Variants in PRKCB observed in about 807,000 individuals in gnomAD.
PRKCB encodes protein kinase C beta, also known as protein kinase C beta type.
PRKCB carries 13 observed loss-of-function variants against 81.5 expected under a neutral mutation model. The ratio of observed to expected loss-of-function variants is 0.16; its 90% CI spans 0.10 to 0.25. The LOEUF is 0.25. Ranked by LOEUF, PRKCB falls within the 10% of genes least tolerant of loss-of-function variation. PRKCB has a pLI of 1.00. For synonymous variants in PRKCB, 335 were observed against 321.4 expected, an observed-to-expected ratio of 1.04 and a Z score of -0.45; for missense variants, 509 against 875.7, an observed-to-expected ratio of 0.58 and a Z score of 5.29.
intron 2 of PRKCB, among the ~76,000 whole-genome samples, chr16:23,969,059 A>G (rs1964524264): frequency 6.6e-6 from 1 of 152,070 alleles, no homozygotes; most frequent in Non-Finnish European, 1.5e-5. Context: ...AATCCAAGCT[A>G]CTCAGGAGGC....
chr16:24,010,475 C>G (rs1965188032), intron 3 of PRKCB, among the ~76,000 whole-genome samples: 1 of 152,134 alleles, frequency 6.6e-6, no homozygotes, highest in South Asian at 2.1e-4. Flanking sequence ...CACCCCACAT[C>G]GGAGGGGAGA....
In PRKCB at chr16:24,078,325, C is replaced by T. The variant is rs144760187; in HGVS notation, c.530-14466C>T. 6.2e-3 allele frequency among the ~76,000 whole-genome samples: 945 copies of T among 152,342 alleles called. 13 individuals are homozygous for T. The highest frequency in any genetic ancestry group is 0.022 in the African/African-American group (904 of 41,572). On this transcript the variant is annotated intron_variant, in intron 5 of 16. Transcript: ENST00000643927. ...CAAGCAAGGGTGGGGCCCCATGGCA[C>T]GCCATCCTGGTTCCTGTCCCGAGGA...
chr16:24,050,066 T>A (rs1176419560), intron 5 of PRKCB, among the ~76,000 whole-genome samples: 1 of 152,158 alleles, frequency 6.6e-6, no homozygotes, highest in Non-Finnish European at 1.5e-5. Context: ...TAGATATTGA[T>A]GAATTTCATG....
At position 24,187,684 on chromosome 16, in the gene PRKCB, GTTTTGTTTTGTTTTA is replaced by G. The variant is rs1262328529; in HGVS notation, c.1722+2119_1722+2133del. 3.6e-4 allele frequency among the ~76,000 whole-genome samples: 51 copies of G among 142,590 alleles called. 1 individual carries two copies. Among genetic ancestry groups the G allele is most frequent in the Middle Eastern group, 3.6e-3 (1 of 280 alleles). 93.5% of individuals were successfully genotyped at this position (142,590 alleles called of 152,430 possible). A position where few individuals can be genotyped will look rare whatever the true frequency, so the allele number is the denominator to read the frequency against. Reference sequence around the variant, plus strand: ...GTTTTGTTTTGTTTTGTTTTGTTTTGTTTTGTTTTGTTTTATCAATGTCTCGCTCTGTCGCCCAGG... The same window carrying G: ...GTTTTGTTTTGTTTTGTTTTGTTTTGTCAATGTCTCGCTCTGTCGCCCAGG... On this transcript the variant is annotated intron_variant, in intron 15 of 16. Coordinates refer to ENST00000643927, the MANE Select transcript of PRKCB (RefSeq NM_002738.7).
chr16:23,882,184 A>G lies in PRKCB; in HGVS notation c.205+44778A>G, dbSNP rs1322378459. On this transcript the variant is annotated intron_variant, in intron 2 of 16. Coordinates refer to ENST00000643927, the MANE Select transcript of PRKCB (RefSeq NM_002738.7). ...AGCCTTGACCTCCTGTGCTCAAGGG[A>G]TCCTCCCATCTCAGCCTCCTGAGTA... is the stretch of plus-strand genomic sequence containing the variant. 2.7e-5 allele frequency among the ~76,000 whole-genome samples: 4 copies of G among 150,100 alleles called. No individual in the cohort carries two copies. The Admixed American group carries it at 2.7e-4, about 10-fold the overall frequency.
At chr16:23,905,721 C>T (rs1963549194) in intron 2 of PRKCB, among the ~76,000 whole-genome samples, 1 of 152,128 alleles carries the variant, frequency 6.6e-6, no homozygotes, top group Admixed American at 6.5e-5. Context: ...ATTCCCATCA[C>T]CTAGAACAGT....
At chr16:24,172,682 T>TA (rs1967461889) in intron 11 of PRKCB, among the ~76,000 whole-genome samples, 1 of 151,966 alleles carries the variant, frequency 6.6e-6, no homozygotes, top group Non-Finnish European at 1.5e-5. Context: ...CTCGTCTCTA[T>TA]AAAAAATAAA....
intron 2 of PRKCB, among the ~76,000 whole-genome samples, chr16:23,877,499 T>C (rs987069152): frequency 6.6e-6 from 1 of 152,188 alleles, no homozygotes; most frequent in African/African-American, 2.4e-5. Context: ...CAAGAGTAGA[T>C]TCTGAGCAGG....
At chr16:24,141,263 C>T (rs1966897580) in intron 9 of PRKCB, among the ~76,000 whole-genome samples, 5 of 151,640 alleles carry the variant, frequency 3.3e-5, no homozygotes. Context: ...GGTGAGATCT[C>T]GGGTCACTGC....
chr16:24,166,942 T>A (rs145594718), intron 10 of PRKCB, among the ~76,000 whole-genome samples: 2 of 152,038 alleles, frequency 1.3e-5, no homozygotes, highest in African/African-American at 4.8e-5. Context: ...TCCCCTGATG[T>A]GGGGATTCCG....
chr16:23,978,249 C>G (rs1964650169), intron 2 of PRKCB, among the ~76,000 whole-genome samples: 1 of 152,196 alleles, frequency 6.6e-6, no homozygotes, highest in Admixed American at 6.5e-5. Flanking sequence ...CTGAGTGTCC[C>G]TTGGAAGGGC....
intron 2 of PRKCB, among the ~76,000 whole-genome samples, chr16:23,867,305 A>G (rs1255159321): frequency 6.6e-6 from 1 of 151,992 alleles, no homozygotes; most frequent in Non-Finnish European, 1.5e-5. Flanking sequence ...TATTTTTAGT[A>G]GAGACGGGGT....
At chr16:23,931,613 G>A (rs76788410) in intron 2 of PRKCB, among the ~76,000 whole-genome samples, 3,279 of 152,204 alleles carry the variant, frequency 0.022, 65 homozygotes, top group Non-Finnish European at 0.034. Context: ...GGCAAGATGC[G>A]GCACTGCCAA....
intron 3 of PRKCB, among the ~76,000 whole-genome samples, chr16:23,998,045 C>T (rs1212513899): frequency 6.6e-6 from 1 of 152,096 alleles, no homozygotes; most frequent in Non-Finnish European, 1.5e-5. Context: ...AGAAAAATTG[C>T]CTTCATTGAC....
intron 5 of PRKCB, among the ~76,000 whole-genome samples, chr16:24,043,736 C>T (rs1208355697): frequency 6.6e-6 from 1 of 152,122 alleles, no homozygotes; most frequent in African/African-American, 2.4e-5. Flanking sequence ...CGTCTGAGGC[C>T]TTCAGGATGT....
chr16:24,152,380 C>G (rs968252606), intron 9 of PRKCB, among the ~76,000 whole-genome samples: 2 of 152,156 alleles, frequency 1.3e-5, no homozygotes, highest in African/African-American at 2.4e-5. Context: ...GTGGAAATTA[C>G]GGGAGCTACA....
intron 9 of PRKCB, among the ~76,000 whole-genome samples, chr16:24,152,133 G>A (rs1453184927): frequency 6.6e-6 from 1 of 152,078 alleles, no homozygotes; most frequent in Non-Finnish European, 1.5e-5. Context: ...AGACATACCC[G>A]AGACTGTGTA....
At chr16:24,196,068 T>C (rs1210431358) in intron 16 of PRKCB, among the ~76,000 whole-genome samples, 2 of 152,232 alleles carry the variant, frequency 1.3e-5, no homozygotes, top group Non-Finnish European at 2.9e-5. Flanking sequence ...TGAGTAGATA[T>C]CTGCTACTGT....
intron 9 of PRKCB, among the ~76,000 whole-genome samples, chr16:24,141,283 C>T (rs546284743): frequency 1.3e-5 from 2 of 151,624 alleles, no homozygotes; most frequent in East Asian, 3.9e-4. Flanking sequence ...CAACGTCCAC[C>T]TCCCAGGTTC....
Sources: gnomAD v4.1 joint callset for allele counts (sites outside exome capture counted in the v4.1 genomes callset) on GRCh38, gnomAD v4.1.1 for gene constraint, MANE v1.5 for transcripts, NCBI Gene and HGNC (gene_info 2026-07-23, HGNC 2026-07-21) for gene names.